The following CWF19L2 variants were observed in gnomAD, a reference collection of about 807,000 sequenced individuals.
CWF19L2 encodes the protein CWF19-like protein 2.
In CWF19L2, 98 loss-of-function variants were observed where a neutral mutation model predicts 111.7. That is an observed-to-expected ratio of 0.88 (90% confidence interval 0.75 to 1.04). The LOEUF (loss-of-function observed/expected upper bound fraction) is 1.04, where lower values mean the gene tolerates loss of function less well. CWF19L2 is among the 50% of genes least tolerant of loss of function. CWF19L2 has a pLI of 0.00. For synonymous variants in CWF19L2, 351 were observed against 342.9 expected (o/e 1.02, Z -0.26); for missense variants, 1,101 against 1,051.4 (o/e 1.05, Z -0.65).
At chr11:107,372,359 G>A (rs1488220081) in intron 12 of CWF19L2, among the ~76,000 whole-genome samples, 1 of 122,174 alleles carries the variant, frequency 8.2e-6, no homozygotes, top group African/African-American at 3.2e-5. Flanking sequence ...GATAAAGGGG[G>A]ATAAAAGGTG....
Position 107,347,099 on chromosome 11 carries a change from T to C in CWF19L2, c.2202+1838A>G, listed in dbSNP as rs189348511. On this transcript the variant is annotated intron_variant, in intron 14 of 17. Coordinates refer to ENST00000282251, the MANE Select transcript of CWF19L2 (RefSeq NM_152434.3). ...AGAAAATTTGTAAAAATGATAACAA[T>C]AAATTTAGAGGGAACCAAGTTTCAT... 1.3e-4 allele frequency among the ~76,000 whole-genome samples: 20 copies of C among 152,258 alleles called. 1 individual carries two copies. The East Asian group carries it at 2.9e-3, about 22-fold the overall frequency.
intron 12 of CWF19L2, among the ~76,000 whole-genome samples, chr11:107,362,208 G>T (rs1565253720): frequency 1.3e-5 from 2 of 151,532 alleles, no homozygotes; most frequent in African/African-American, 4.9e-5. Flanking sequence ...TACCACAGCA[G>T]CTGAGATCAA....
chr11:107,382,648 C>G lies in CWF19L2; in HGVS notation c.1872+7426G>C, dbSNP rs567281857. Among the ~76,000 whole-genome samples, 231 of 152,230 alleles carry G rather than the reference C, an allele frequency of 1.5e-3. 1 individual carries two copies. The highest frequency in any genetic ancestry group is 4.8e-3 in the African/African-American group (201 of 41,556). On this transcript the variant is annotated intron_variant, in intron 12 of 17. Coordinates refer to ENST00000282251, the MANE Select transcript of CWF19L2 (RefSeq NM_152434.3). The stretch of plus-strand genomic sequence containing the variant: ...CACATCTATGGTAAGAAAATTAGAC[C>G]AACATACACTTCTGTGGTGTTATGA...
At chr11:107,399,596 T>C (rs909911264) in intron 10 of CWF19L2, among the ~76,000 whole-genome samples, 4 of 152,124 alleles carry the variant, frequency 2.6e-5, no homozygotes, top group Non-Finnish European at 4.4e-5. Context: ...AGAAATTAGA[T>C]AGACAGCAAA....
At chr11:107,383,653 T>A (rs556528) in intron 12 of CWF19L2, among the ~76,000 whole-genome samples, 1 of 152,064 alleles carries the variant, frequency 6.6e-6, no homozygotes, top group East Asian at 1.9e-4. Flanking sequence ...AGAAAGATAT[T>A]CTATTAAAGA....
intron 9 of CWF19L2, among the ~76,000 whole-genome samples, chr11:107,417,062 C>T (rs961198681): frequency 7.2e-5 from 11 of 152,280 alleles, no homozygotes; most frequent in African/African-American, 2.6e-4. Flanking sequence ...GCAAGATATG[C>T]CCTTTATTAG....
intron 17 of CWF19L2, among the ~76,000 whole-genome samples, chr11:107,327,734 T>C (rs1859781566): frequency 2.0e-5 from 3 of 152,140 alleles, no homozygotes; most frequent in Admixed American, 1.3e-4. Context: ...CATGTGAGTA[T>C]CCATGAACAG....
chr11:107,358,043 A>G (rs1168951329), intron 12 of CWF19L2, among the ~76,000 whole-genome samples: 1 of 152,230 alleles, frequency 6.6e-6, no homozygotes, highest in African/African-American at 2.4e-5. Flanking sequence ...ACAGTGAGTT[A>G]GCCATTTCAC....
intron 10 of CWF19L2, among the ~76,000 whole-genome samples, chr11:107,411,220 C>T (rs10502089): frequency 6.6e-6 from 1 of 152,194 alleles, no homozygotes; most frequent in Admixed American, 6.5e-5. Context: ...ATCTCTCCTG[C>T]TATGGAAGGA....
At chr11:107,408,489 G>C (rs777561122) in intron 10 of CWF19L2, among the ~76,000 whole-genome samples, 3 of 151,910 alleles carry the variant, frequency 2.0e-5, no homozygotes, top group Non-Finnish European at 4.4e-5. Flanking sequence ...TGAGGTATGA[G>C]ACTAGAGAAC....
chr11:107,422,285 G>GT (rs140729946), intron 8 of CWF19L2, among the ~76,000 whole-genome samples: 6,137 of 152,042 alleles, frequency 0.04, 158 homozygotes, highest in East Asian at 0.11. Flanking sequence ...ATATACCAGA[G>GT]TAACATTTTC....
chr11:107,332,182 A>C (rs1277018984), intron 16 of CWF19L2, among the ~76,000 whole-genome samples: 1 of 152,212 alleles, frequency 6.6e-6, no homozygotes, highest in African/African-American at 2.4e-5. Flanking sequence ...CAATTTCTAA[A>C]TGTTGGATGT....
intron 10 of CWF19L2, among the ~76,000 whole-genome samples, chr11:107,410,702 A>C (rs1207658416): frequency 2.0e-5 from 3 of 152,204 alleles, no homozygotes; most frequent in Non-Finnish European, 4.4e-5. Context: ...TAGCCTGTCA[A>C]TTATTCAGTC....
intron 12 of CWF19L2, among the ~76,000 whole-genome samples, chr11:107,375,323 T>G (rs1174019297): frequency 1.5e-5 from 2 of 136,106 alleles, no homozygotes; most frequent in East Asian, 4.4e-4. Flanking sequence ...TATACATTTT[T>G]TTCAGCACCA....
intron 12 of CWF19L2, among the ~76,000 whole-genome samples, chr11:107,362,556 G>C (rs985853319): frequency 4.6e-5 from 7 of 152,052 alleles, no homozygotes; most frequent in African/African-American, 1.7e-4. Context: ...ACCCCCAGGA[G>C]GGGCAGACTG....
intron 16 of CWF19L2, among the ~76,000 whole-genome samples, chr11:107,331,171 G>T (rs1426500922): frequency 6.6e-6 from 1 of 152,008 alleles, no homozygotes; most frequent in East Asian, 1.9e-4. Context: ...TTATGACCTT[G>T]ACTATTAGGA....
rs117876992 is a variant in CWF19L2, at chr11:107,360,492, T to C, written c.1873-6756A>G. On this transcript the variant is annotated intron_variant, in intron 12 of 17. Coordinates refer to ENST00000282251, the MANE Select transcript of CWF19L2 (RefSeq NM_152434.3). ...AATGATTTATTTCCCTTTGAGTAGA[T>C]AGATACCTAGTAATGGGATTGCTGA... Among the ~76,000 whole-genome samples, 935 of 152,312 alleles carry C rather than the reference T, an allele frequency of 6.1e-3. 2 individuals carry two copies. Among genetic ancestry groups the C allele is most frequent in the Non-Finnish European group, 9.1e-3 (618 of 68,020 alleles).
At chr11:107,357,423 G>T (rs531797730) in intron 12 of CWF19L2, among the ~76,000 whole-genome samples, 8 of 152,136 alleles carry the variant, frequency 5.3e-5, no homozygotes, top group Non-Finnish European at 1.0e-4. Flanking sequence ...ATACATAATT[G>T]TGCCTTCATA....
intron 2 of CWF19L2, 35 bp downstream of exon 2, chr11:107,455,631 A>C: frequency 8.2e-7 from 1 of 1,218,418 alleles, no homozygotes; most frequent in South Asian, 1.4e-5. Flanking sequence ...AAAAGGACAG[A>C]TATCCTTACA....
Sources: allele counts gnomAD v4.1 joint callset (sites outside exome capture counted in the v4.1 genomes callset), GRCh38; gene constraint gnomAD v4.1.1; transcripts MANE v1.5; gene names NCBI Gene and HGNC (gene_info 2026-07-23, HGNC 2026-07-21).